The following ABL1 variants were observed in gnomAD, a reference collection of about 807,000 sequenced individuals.
ABL1 encodes tyrosine-protein kinase ABL1.
In ABL1, 11 loss-of-function variants were observed where a neutral mutation model predicts 94.7. The observed-to-expected ratio is 0.12, with a 90% CI of 0.07 to 0.19. ABL1 has a LOEUF of 0.19. ABL1 is among the 10% of genes least tolerant of loss of function. The pLI is 1.00. For synonymous variants in ABL1, 656 were observed against 622.4 expected, an observed-to-expected ratio of 1.05 and a Z score of -0.80; for missense variants, 1,082 against 1,489.4, an observed-to-expected ratio of 0.73 and a Z score of 4.50.
intron 1 of ABL1, among the ~76,000 whole-genome samples, chr9:130,803,297 C>T (rs959364173): frequency 1.3e-5 from 2 of 152,202 alleles, no homozygotes; most frequent in African/African-American, 2.4e-5. Context: ...CTCAGCCTCC[C>T]CAAGTGCTGG....
intron 1 of ABL1, among the ~76,000 whole-genome samples, chr9:130,769,055 C>T (rs1009101432): frequency 1.3e-5 from 2 of 151,952 alleles, no homozygotes; most frequent in Non-Finnish European, 2.9e-5. Context: ...GGCCTGGGGA[C>T]GTGAGGGGGA....
intron 1 of ABL1, among the ~76,000 whole-genome samples, chr9:130,739,295 A>G (rs1031609301): frequency 2.0e-5 from 3 of 151,606 alleles, no homozygotes; most frequent in Admixed American, 2.0e-4. Flanking sequence ...TGTGATGTTT[A>G]GTTCGTAGCA....
rs372838676 is a variant in ABL1, at chr9:130,769,329, C to CTTTTTTTTTTTTTTTT, written c.136+54881_136+54896dup. 2.0e-4 allele frequency among the ~76,000 whole-genome samples: 17 copies of CTTTTTTTTTTTTTTTT among 84,316 alleles called. 1 individual carries two copies. Among genetic ancestry groups the CTTTTTTTTTTTTTTTT allele is most frequent in the African/African-American group, 6.0e-4 (13 of 21,542 alleles). The allele number at this position is 84,316 out of a possible 152,430, so 55.3% of individuals were successfully genotyped here. On this transcript the variant is annotated intron_variant, in intron 1 of 10. Transcript: ENST00000372348. ...TGGAGAGCCAAACTATGGCCCTAGT[C>CTTTTTTTTTTTTTTTT]TTTTTTTTTTTTTTTTTTTTTTGAG... is the stretch of plus-strand genomic sequence containing the variant.
rs781500054 is a variant in ABL1, at chr9:130,886,911, A to G, written c.*1228A>G. The stretch of plus-strand genomic sequence containing the variant: ...GTCTTATTTAATTACCGTGAGTGAC[A>G]TAGCCTCATGTTCTGTGGGGGTCAT... On this transcript the variant is annotated 3_prime_UTR_variant, in exon 11 of 11. Transcript: ENST00000318560. 6.0e-5 allele frequency: 14 copies of G among 232,980 alleles called. No individual in the cohort carries two copies. The highest frequency in any genetic ancestry group is 1.2e-4 in the Non-Finnish European group (14 of 117,852). 14.4% of individuals were successfully genotyped at this position (232,980 alleles called of 1,614,324 possible). A position where few individuals can be genotyped will look rare whatever the true frequency, so the allele number is the denominator to read the frequency against.
At chr9:130,822,800 A>G (rs1176437307) in intron 1 of ABL1, among the ~76,000 whole-genome samples, 1 of 151,244 alleles carries the variant, frequency 6.6e-6, no homozygotes, top group Non-Finnish European at 1.5e-5. Flanking sequence ...TGTGGGTACA[A>G]GTTCTTTTTT....
intron 1 of ABL1, among the ~76,000 whole-genome samples, chr9:130,721,812 G>GTTT (rs368491783): frequency 8.3e-5 from 11 of 133,258 alleles, no homozygotes; most frequent in Admixed American, 2.3e-4. Flanking sequence ...AATTTGTCAG[G>GTTT]TTTTTTTTTG....
chr9:130,834,157 C>CAG (rs1374809828), upstream of ABL1: 5 of 449,504 alleles, frequency 1.1e-5, no homozygotes, highest in Non-Finnish European at 2.3e-5. Context: ...TGTTTCCTCA[C>CAG]AGAATCATTA....
At chr9:130,746,767 C>T (rs1473076603) in intron 1 of ABL1, among the ~76,000 whole-genome samples, 1 of 151,972 alleles carries the variant, frequency 6.6e-6, no homozygotes, top group African/African-American at 2.4e-5. Context: ...TTTATATGAA[C>T]ATAATTTTTT....
intron 1 of ABL1, among the ~76,000 whole-genome samples, chr9:130,827,670 A>G (rs1401912365): frequency 6.6e-6 from 1 of 152,098 alleles, no homozygotes; most frequent in East Asian, 1.9e-4. Context: ...TGAGGTGGAC[A>G]GTTCACCTGC....
chr9:130,765,738 G>A (rs943791000), intron 1 of ABL1, among the ~76,000 whole-genome samples: 1 of 152,002 alleles, frequency 6.6e-6, no homozygotes, highest in Non-Finnish European at 1.5e-5. Flanking sequence ...TGTTCTTTAG[G>A]CCCCCCAGTT....
At chr9:130,752,466 C>G (rs374466525) in intron 1 of ABL1, among the ~76,000 whole-genome samples, 2 of 152,282 alleles carry the variant, frequency 1.3e-5, no homozygotes, top group East Asian at 3.9e-4. Context: ...TCTTGCCCTA[C>G]TGCAGGGTTG....
At chr9:130,812,200 CAAAAAA>C (rs35352789) in intron 1 of ABL1, among the ~76,000 whole-genome samples, 5 of 48,778 alleles carry the variant, frequency 1.0e-4, no homozygotes, top group Admixed American at 2.5e-4. Flanking sequence ...TCCATCTCTA[CAAAAAA>C]AAAAAAAAAA....
intron 1 of ABL1, among the ~76,000 whole-genome samples, chr9:130,722,034 G>A (rs955534531): frequency 1.3e-5 from 2 of 151,420 alleles, no homozygotes; most frequent in South Asian, 2.1e-4. Context: ...TACCTGGCTC[G>A]ACCTCCCAAA....
intron 1 of ABL1, among the ~76,000 whole-genome samples, chr9:130,730,060 T>TTTTTTTTTTTTTTTTTA (rs1831642886): frequency 7.0e-6 from 1 of 142,624 alleles, no homozygotes; most frequent in Non-Finnish European, 1.5e-5. Context: ...TTTTTTTTTT[T>TTTTTTTTTTTTTTTTTA]GAGATGGAAT....
intron 1 of ABL1, among the ~76,000 whole-genome samples, chr9:130,753,894 T>C (rs1832005961): frequency 6.6e-6 from 1 of 151,974 alleles, no homozygotes; most frequent in Non-Finnish European, 1.5e-5. Flanking sequence ...TAAGGGAAGA[T>C]GTGTTTGCTG....
In ABL1 at chr9:130,884,457, C is replaced by A; in HGVS notation, c.2167C>A (p.Pro723Thr). The A allele has an allele frequency of 2.5e-6, 4 of 1,612,946 alleles. No homozygotes were observed. Among genetic ancestry groups the A allele is most frequent in the Non-Finnish European group, 3.4e-6 (4 of 1,179,990 alleles). The stretch of plus-strand genomic sequence containing the variant: ...GCGCTCTTGCTCCGCCTCCTGCGTT[C>A]CCCATGGGGCCAAGGACACGGAGTG... Reference protein sequence around the residue: ...FLRSCSASCVPHGAKDTEWRS... With the variant: ...FLRSCSASCVTHGAKDTEWRS... The change falls in exon 11 of 11, where the codon CCC becomes ACC. Residue 723 changes from proline to threonine, a missense_variant. Coordinates refer to ENST00000318560, the MANE Select transcript of ABL1 (RefSeq NM_005157.6). The surrounding 1 kb of genome is among the most constrained non-coding windows in gnomAD (Gnocchi z 5.6).
chr9:130,805,075 T>TTTTG (rs964874679), intron 1 of ABL1, among the ~76,000 whole-genome samples: 9 of 152,248 alleles, frequency 5.9e-5, no homozygotes, highest in Admixed American at 1.3e-4. Flanking sequence ...TTCTTTTCTG[T>TTTTG]TTTGTTTGTT....
intron 1 of ABL1, among the ~76,000 whole-genome samples, chr9:130,808,946 G>C (rs1830167878): frequency 6.6e-6 from 1 of 152,206 alleles, no homozygotes; most frequent in Non-Finnish European, 1.5e-5. Context: ...CCTGAGACCT[G>C]AGAAATAGAG....
rs948306935 is a variant in ABL1 at position 130,835,973 on chromosome 9, T to G, written c.79+448T>G. On this transcript the variant is annotated intron_variant, in intron 1 of 10. Transcript: ENST00000318560. The surrounding 1 kb of genome is among the most constrained non-coding windows in gnomAD (Gnocchi z 4.6). ...CACGTTGTGGAATTTCCACCGTTAA[T>G]TGGGACTGTGTGTTAAAAAGATCGA... Among the ~76,000 whole-genome samples the G allele has an allele frequency of 6.6e-6, 1 of 152,224 alleles. No individual in the cohort carries two copies. The highest frequency in any genetic ancestry group is 6.5e-5 in the Admixed American group (1 of 15,292).
Sources: allele counts gnomAD v4.1 joint callset (sites outside exome capture counted in the v4.1 genomes callset), GRCh38; gene constraint gnomAD v4.1.1; non-coding constraint Gnocchi (gnomAD v3.1); transcripts MANE v1.5; gene names NCBI Gene and HGNC (gene_info 2026-07-23, HGNC 2026-07-21).